Variants in REM2 observed in about 807,000 individuals in gnomAD.
REM2 encodes the protein GTP-binding protein REM 2.
Under a neutral mutation model 24.4 loss-of-function variants are expected in REM2, and 24 were observed. The observed-to-expected ratio is 0.98, with a 90% CI of 0.71 to 1.38. The LOEUF is 1.38. Ranked by LOEUF, REM2 falls within the 40% of genes most tolerant of loss-of-function variation. REM2 has a pLI of 0.00. For synonymous variants in REM2, 187 were observed against 198.0 expected (o/e 0.94, Z 0.47); for missense variants, 429 against 467.8 (o/e 0.92, Z 0.77).
Position 22,884,989 on chromosome 14 carries a change from A to T in REM2, c.419A>T (p.Asp140Val). ...LAGTFGGLQGDSAHEPENPED... is the reference protein window; with the variant it reads ...LAGTFGGLQGVSAHEPENPED... ...GGCACTTTTGGTGGTCTCCAGGGAG[A>T]CAGTGCTCACGAACCGGAGAACCCA... The change falls in exon 2 of 5, where the codon GAC becomes GTC. Residue 140 changes from aspartate (D) to valine (V), a missense_variant. By Grantham distance (152) the Asp-to-Val change is radical. Transcript: ENST00000267396. 1 of 1,545,722 alleles carries T rather than the reference A, an allele frequency of 6.5e-7. No homozygotes were observed.
chr14:22,886,889 C>G lies in REM2; in HGVS notation c.1003C>G (p.His335Asp). The G allele has an allele frequency of 2.0e-6, 3 of 1,524,856 alleles. No homozygotes were observed. The highest frequency in any genetic ancestry group is 2.6e-6 in the Non-Finnish European group (3 of 1,135,340). 94.5% of individuals were successfully genotyped at this position (1,524,856 alleles called of 1,614,324 possible). ...CTTCAAGCAGCGCTCCAGGTCGTGT[C>G]ACGACCTCTCGGTGCTCTGAGCCGC... Reference protein sequence around the residue: ...KFFKQRSRSCHDLSVL With the variant: ...KFFKQRSRSCDDLSVL The change falls in exon 5 of 5, where the codon CAC (histidine) becomes GAC (aspartate). Residue 335 changes from histidine to aspartate, a missense_variant. Coordinates refer to ENST00000267396, the MANE Select transcript of REM2 (RefSeq NM_173527.3). This position sits in a 1 kb window ranked among gnomAD's most constrained non-coding sequence, Gnocchi z 5.9.
At chr14:22,885,987 A>T in intron 3 of REM2, 37 bp from the exon 4 acceptor site, 1 of 1,552,372 alleles carries the variant, frequency 6.4e-7, no homozygotes, top group Non-Finnish European at 8.9e-7. Context: ...AGGATCTCCT[A>T]TGCCTCCAGC....
chr14:22,883,949 G>T, intron 1 of REM2: 1 of 856,262 alleles, frequency 1.2e-6, no homozygotes, highest in Non-Finnish European at 1.4e-6. Flanking sequence ...TACTTCTACT[G>T]CTCTATGAAC....
At position 22,883,309 on chromosome 14, in the gene REM2, G is replaced by A; in HGVS notation, c.22G>A (p.Asp8Asn). Residue 8 changes from aspartate (D) to asparagine (N), a missense_variant, in exon 1 of 5, where the codon GAC (aspartate) becomes AAC (asparagine). Coordinates refer to ENST00000267396, the MANE Select transcript of REM2 (RefSeq NM_173527.3). ...ACTGATGCACACGGACCTGGACACA[G>A]ACATGGACATGGACACAGAAACCAC... MHTDLDT[D>N]MDMDTETTAL... 6.4e-7 allele frequency: 1 copy of A among 1,558,076 alleles called. No individual in the cohort carries two copies. Among genetic ancestry groups the A allele is most frequent in the Non-Finnish European group, 8.7e-7 (1 of 1,150,434 alleles).
At chr14:22,884,301 A>T (rs1485419605) in intron 1 of REM2, 7 of 985,350 alleles carry the variant, frequency 7.1e-6, no homozygotes, top group Non-Finnish European at 8.4e-6. Flanking sequence ...AAAAAGAGGC[A>T]GCTTCCCCAA....
rs1269829055 is a variant in REM2 at position 22,886,184 on chromosome 14, T to C, written c.680T>C (p.Val227Ala). ...CACCACGACCTACCCGTTATCCTCG[T>C]TGGAAACAAGAGCGACTTGGCCCGC... ...RPHHDLPVIL[V>A]GNKSDLARSR... The change falls in exon 4 of 5, where the codon GTT becomes GCT. Residue 227 changes from valine (V) to alanine (A), a missense_variant. Physicochemically the swap from Val to Ala is moderately conservative, Grantham distance 64 (BLOSUM62 0). Coordinates refer to ENST00000267396, the MANE Select transcript of REM2 (RefSeq NM_173527.3). The surrounding 1 kb of genome is among the most constrained non-coding windows in gnomAD (Gnocchi z 5.9). 3.1e-6 allele frequency: 5 copies of C among 1,613,946 alleles called. No individual in the cohort carries two copies. The highest frequency in any genetic ancestry group is 3.4e-6 in the Non-Finnish European group (4 of 1,179,866).
Position 22,886,084 on chromosome 14 carries a change from G to A in REM2, c.580G>A (p.Val194Ile). The change falls in exon 4 of 5, where the codon GTC becomes ATC. Residue 194 changes from valine (V) to isoleucine (I), a missense_variant. Val to Ile is a conservative substitution (Grantham distance 29). Transcript: ENST00000267396. The surrounding 1 kb of genome is among the most constrained non-coding windows in gnomAD (Gnocchi z 5.9). ...CLQTGDAFLIVFSVTDRRSFS... is the reference protein window; with the variant it reads ...CLQTGDAFLIIFSVTDRRSFS... ...TCAGACCGGGGACGCCTTTCTCATC[G>A]TCTTCTCAGTCACCGACCGACGGAG... The A allele has an allele frequency of 1.2e-6, 2 of 1,613,956 alleles. No homozygotes were observed. Among genetic ancestry groups the A allele is most frequent in the Non-Finnish European group, 1.7e-6 (2 of 1,179,880 alleles).
Position 22,884,837 on chromosome 14 carries a change from ACCTCAGG to A in REM2, c.273_279del (p.Gln91HisfsTer27). On this transcript the variant is annotated frameshift_variant, in exon 2 of 5. Coordinates refer to ENST00000267396, the MANE Select transcript of REM2 (RefSeq NM_173527.3). LOFTEE classifies it high-confidence loss of function. Reference sequence around the variant, plus strand: ...AGGCTGTAGATGAACTTGACTGGCCACCTCAGGCCTCATCCTCTGGCTCGTCTGACTC... The same window carrying A: ...AGGCTGTAGATGAACTTGACTGGCCACCTCATCCTCTGGCTCGTCTGACTC... The A allele has an allele frequency of 6.2e-7, 1 of 1,613,980 alleles. No individual in the cohort carries two copies. The highest frequency in any genetic ancestry group is 8.5e-7 in the Non-Finnish European group (1 of 1,179,876).
intron 3 of REM2, 112 bp downstream of exon 3, chr14:22,885,451 G>A (rs768641404): frequency 1.4e-4 from 109 of 771,012 alleles, no homozygotes; most frequent in Middle Eastern, 3.5e-4. Context: ...ACATGTACTG[G>A]AACCTGACCT....
chr14:22,883,523 G>A (rs2040088483), intron 1 of REM2, 133 bp downstream of exon 1: 2 of 786,686 alleles, frequency 2.5e-6, no homozygotes, highest in East Asian at 2.7e-5. Flanking sequence ...TTGAGAAAGT[G>A]GAGAAGACCC....
intron 1 of REM2, chr14:22,884,409 G>T: frequency 1.0e-6 from 1 of 985,470 alleles, no homozygotes. Context: ...CCTGCATTCA[G>T]GTCCCTTCCC....
At position 22,886,830 on chromosome 14, in the gene REM2, T is replaced by G; in HGVS notation, c.944T>G (p.Phe315Cys). The G allele has an allele frequency of 7.8e-6, 12 of 1,548,036 alleles. No individual in the cohort carries two copies. The highest frequency in any genetic ancestry group is 9.6e-6 in the Non-Finnish European group (11 of 1,146,068). ...AGCCTCACCAAGAAAGCCAAGAGGT[T>G]CCTCGCCAACCTGGTGCCGCGCAAC... The part of the protein sequence containing the change: ...RESLTKKAKR[F>C]LANLVPRNAK... Residue 315 changes from phenylalanine (F) to cysteine (C), a missense_variant, in exon 5 of 5, where the codon TTC (phenylalanine) becomes TGC (cysteine). Phe to Cys is a radical substitution (Grantham distance 205). Transcript: ENST00000267396. The surrounding 1 kb of genome is among the most constrained non-coding windows in gnomAD (Gnocchi z 5.9).
In REM2 at chr14:22,887,311, G is replaced by A. The variant is rs45439396; in HGVS notation, c.*402G>A. 1,388 of 163,498 alleles carry A rather than the reference G, an allele frequency of 8.5e-3. 11 individuals are homozygous for A. The highest frequency in any genetic ancestry group is 0.013 in the Non-Finnish European group (985 of 75,816). 10.1% of individuals were successfully genotyped at this position (163,498 alleles called of 1,614,324 possible). ...AAAGTGCTTCGTAGACTCCTTGACG[G>A]AGTTTGCCTCCTTTGTACGCTGCGT... On this transcript the variant is annotated 3_prime_UTR_variant, in exon 5 of 5. Transcript: ENST00000267396.
Position 22,883,354 on chromosome 14 carries a change from A to T in REM2, c.67A>T (p.Ser23Cys). 1 of 1,558,124 alleles carries T rather than the reference A, an allele frequency of 6.4e-7. No homozygotes were observed. Among genetic ancestry groups the T allele is most frequent in the East Asian group, 2.4e-5 (1 of 41,338 alleles). Residue 23 changes from serine to cysteine, a missense_variant, in exon 1 of 5, where the codon AGC becomes TGC. Coordinates refer to ENST00000267396, the MANE Select transcript of REM2 (RefSeq NM_173527.3). ...AACCACAGCACTCTGCCCCTCTGGC[A>T]GCCGCCGGGCCTCCCCTCCAGGGAC... ...TETTALCPSG[S>C]RRASPPGTPT...
In REM2 at chr14:22,886,806, G is replaced by T. The variant is rs373774017; in HGVS notation, c.920G>T (p.Ser307Ile). 197 of 1,549,196 alleles carry T rather than the reference G, an allele frequency of 1.3e-4. No individual in the cohort carries two copies. The highest frequency in any genetic ancestry group is 5.3e-4 in the Middle Eastern group (3 of 5,628). ...EGPAPPARRE[S>I]LTKKAKRFLA... Reference sequence around the variant, plus strand: ...CCTGCGCCACCTGCACGCCGCGAGAGCCTCACCAAGAAAGCCAAGAGGTTC... The same window carrying T: ...CCTGCGCCACCTGCACGCCGCGAGATCCTCACCAAGAAAGCCAAGAGGTTC... The change falls in exon 5 of 5, where the codon AGC becomes ATC. Residue 307 changes from serine to isoleucine, a missense_variant. Ser to Ile is a moderately radical substitution (Grantham distance 142, BLOSUM62 -2). Transcript: ENST00000267396. The surrounding 1 kb of genome is among the most constrained non-coding windows in gnomAD (Gnocchi z 5.9).
chr14:22,885,202 C>T, intron 2 of REM2, 64 bp from the exon 3 acceptor site: 1 of 1,475,170 alleles, frequency 6.8e-7, no homozygotes, highest in Middle Eastern at 1.7e-4. Flanking sequence ...CCCTGGTTAC[C>T]AGGTCTCACA....
chr14:22,886,941 T>G lies in REM2; in HGVS notation c.*32T>G, dbSNP rs756094836. On this transcript the variant is annotated 3_prime_UTR_variant, in exon 5 of 5. Transcript: ENST00000267396. This position sits in a 1 kb window ranked among gnomAD's most constrained non-coding sequence, Gnocchi z 5.9. ...GTCGCCATGGCCACTGCGGTCGCCATGGTCACCGCGCCCTCCGCTCGCCCC... is the reference window on the plus strand; with the variant it reads ...GTCGCCATGGCCACTGCGGTCGCCAGGGTCACCGCGCCCTCCGCTCGCCCC... The G allele has an allele frequency of 1.5e-6, 2 of 1,360,640 alleles. No homozygotes were observed. The highest frequency in any genetic ancestry group is 3.4e-5 in the Admixed American group (1 of 29,758). The allele number at this position is 1,360,640 out of a possible 1,614,324, so 84.3% of individuals were successfully genotyped here.
rs184957548 is a variant in REM2 at position 22,883,283 on chromosome 14, C to T, written c.-5C>T. The T allele has an allele frequency of 4.3e-3, 6,235 of 1,436,640 alleles. 19 individuals carry two copies. The highest frequency in any genetic ancestry group is 5.2e-3 in the Non-Finnish European group (5,423 of 1,041,992). 89.0% of individuals were successfully genotyped at this position (1,436,640 alleles called of 1,614,324 possible). A position where few individuals can be genotyped will look rare whatever the true frequency, so the allele number is the denominator to read the frequency against. ...ACACGCACACGCACACGCACACGCACACTGATGCACACGGACCTGGACACA... is the reference window on the plus strand; with the variant it reads ...ACACGCACACGCACACGCACACGCATACTGATGCACACGGACCTGGACACA... On this transcript the variant is annotated 5_prime_UTR_variant, in exon 1 of 5. Coordinates refer to ENST00000267396, the MANE Select transcript of REM2 (RefSeq NM_173527.3).
At chr14:22,885,156 AG>A (rs2040111341) in intron 2 of REM2, 109 bp from the exon 3 acceptor site, 1 of 1,360,424 alleles carries the variant, frequency 7.4e-7, no homozygotes, top group East Asian at 2.3e-5. Flanking sequence ...CTCCCTGAAG[AG>A]GGGCAGGGTT....
Sources: gnomAD v4.1 joint callset for allele counts on GRCh38, gnomAD v4.1.1 for gene constraint, Gnocchi (gnomAD v3.1) non-coding constraint, MANE v1.5 for transcripts, NCBI Gene and HGNC (gene_info 2026-07-23, HGNC 2026-07-21) for gene names.